Variants in SDK1 observed in about 807,000 individuals in gnomAD.
SDK1 encodes the protein protein sidekick-1.
Under a neutral mutation model 245.5 loss-of-function variants are expected in SDK1, and 157 were observed. The ratio of observed to expected loss-of-function variants is 0.64; its 90% CI spans 0.56 to 0.73. The LOEUF is 0.73. Ranked by LOEUF, SDK1 falls within the 30% of genes least tolerant of loss-of-function variation. The pLI, the probability that SDK1 is intolerant of heterozygous loss-of-function variation, is 0.00. For synonymous variants in SDK1, 1,647 were observed against 1,278.5 expected (o/e 1.29, Z -6.15); for missense variants, 3,583 against 3,002.3 (o/e 1.19, Z -4.52).
intron 1 of SDK1, among the ~76,000 whole-genome samples, chr7:3,566,018 A>G (rs964298847): frequency 6.6e-6 from 1 of 152,198 alleles, no homozygotes; most frequent in Non-Finnish European, 1.5e-5. Flanking sequence ...AACGAAAGCA[A>G]TATAATATCT....
At chr7:3,883,707 TCCC>T (rs1781263481) in intron 5 of SDK1, among the ~76,000 whole-genome samples, 7 of 114,338 alleles carry the variant, frequency 6.1e-5, no homozygotes, top group African/African-American at 2.4e-4. Context: ...CCTCCCTCCC[TCCC>T]TCCCTCCCAT....
At chr7:3,962,599 T>C (rs2128129847) in intron 8 of SDK1, 58 bp from the exon 9 acceptor site, 1 of 1,396,420 alleles carries the variant, frequency 7.2e-7, no homozygotes, top group Non-Finnish European at 9.8e-7. Context: ...ACAGATGTGC[T>C]TCAGTTCTCA....
chr7:4,005,275 G>A (rs1785383411), intron 14 of SDK1, among the ~76,000 whole-genome samples: 1 of 151,834 alleles, frequency 6.6e-6, no homozygotes, highest in South Asian at 2.1e-4. Flanking sequence ...TTGATCTCTT[G>A]ACGTCGTGAT....
rs1780258443 is a variant in SDK1 at position 3,575,533 on chromosome 7, G to C, written c.299-43547G>C. 2.0e-5 allele frequency among the ~76,000 whole-genome samples: 3 copies of C among 151,908 alleles called. No homozygotes were observed. In the South Asian group the frequency reaches 6.2e-4, roughly 32 times the overall value. ...TTTAACATTTTCGGGTTGGGGTGAGGGGGGACACCCACATTGGCTGTAGAT... is the reference window on the plus strand; with the variant it reads ...TTTAACATTTTCGGGTTGGGGTGAGCGGGGACACCCACATTGGCTGTAGAT... On this transcript the variant is annotated intron_variant, in intron 1 of 44. Coordinates refer to ENST00000404826, the MANE Select transcript of SDK1 (RefSeq NM_152744.4).
chr7:4,075,844 G>T (rs1416340920), intron 20 of SDK1, among the ~76,000 whole-genome samples: 1 of 151,982 alleles, frequency 6.6e-6, no homozygotes, highest in Admixed American at 6.5e-5. Flanking sequence ...AGTAGAGACG[G>T]GGTTTCACAT....
At position 4,077,225 on chromosome 7, in the gene SDK1, C is replaced by T. The variant is rs755300007; in HGVS notation, c.3202+36C>T. On this transcript the variant is annotated intron_variant, in intron 21 of 44. Coordinates refer to ENST00000404826, the MANE Select transcript of SDK1 (RefSeq NM_152744.4). ...TCGTGTGCGGTCCTCCTGCTGTCAC[C>T]TTTCTCTTGGAGATTCCCGAGGCTA... The T allele has an allele frequency of 2.5e-6, 4 of 1,591,984 alleles. No individual in the cohort carries two copies. In the Admixed American group the frequency reaches 6.8e-5, roughly 27 times the overall value.
chr7:3,567,048 G>A (rs1220811713), intron 1 of SDK1, among the ~76,000 whole-genome samples: 5 of 152,102 alleles, frequency 3.3e-5, no homozygotes, highest in African/African-American at 9.7e-5. Context: ...TTATTTTCCC[G>A]GGTACGCATC....
intron 36 of SDK1, among the ~76,000 whole-genome samples, chr7:4,207,065 G>A (rs997770097): frequency 2.0e-5 from 3 of 152,180 alleles, no homozygotes; most frequent in African/African-American, 7.2e-5. Flanking sequence ...GCAAGGCCTG[G>A]GCGAGCGGAA....
chr7:4,041,838 G>A (rs1052209550), intron 17 of SDK1, among the ~76,000 whole-genome samples: 2 of 134,932 alleles, frequency 1.5e-5, no homozygotes, highest in South Asian at 2.3e-4. Flanking sequence ...TTTTTGTGAC[G>A]GAGTCTCGCT....
intron 1 of SDK1, among the ~76,000 whole-genome samples, chr7:3,354,491 G>A (rs933874896): frequency 8.5e-5 from 13 of 152,140 alleles, no homozygotes; most frequent in Non-Finnish European, 1.6e-4. Flanking sequence ...AGAAGTATAG[G>A]TAACATAATA....
rs10245225 is a variant in SDK1, at chr7:4,011,451, C to T, written c.2279+338C>T. Among the ~76,000 whole-genome samples, 1,091 of 152,310 alleles carry T rather than the reference C, an allele frequency of 7.2e-3. 14 individuals are homozygous for T. The highest frequency in any genetic ancestry group is 0.024 in the African/African-American group (1,004 of 41,558). ...CCGTGTTCTTTGTCCACCCCACTGC[C>T]GGGTGGACGCTGATGCCACAGTCTT... is the stretch of plus-strand genomic sequence containing the variant. On this transcript the variant is annotated intron_variant, in intron 15 of 44. Transcript: ENST00000404826.
intron 44 of SDK1, among the ~76,000 whole-genome samples, chr7:4,251,863 T>C (rs961842072): frequency 3.3e-5 from 5 of 152,232 alleles, no homozygotes; most frequent in African/African-American, 1.2e-4. Context: ...AATATTCCCT[T>C]TATCTGGTTG....
chr7:3,684,176 G>A (rs1020875290), intron 4 of SDK1, among the ~76,000 whole-genome samples: 3 of 152,196 alleles, frequency 2.0e-5, no homozygotes, highest in Non-Finnish European at 2.9e-5. Flanking sequence ...CAGGTCTAGC[G>A]TGGAGCTAAG....
chr7:3,526,923 T>G (rs1282759165), intron 1 of SDK1, among the ~76,000 whole-genome samples: 1 of 152,182 alleles, frequency 6.6e-6, no homozygotes, highest in Admixed American at 6.5e-5. Context: ...TGAGACACTC[T>G]CTGCTTACCT....
chr7:4,153,135 T>G (rs650986), intron 30 of SDK1, among the ~76,000 whole-genome samples: 24,760 of 150,480 alleles, frequency 0.16, 2,214 homozygotes, highest in African/African-American at 0.23. Context: ...GGTGCGGGGG[T>G]TCCAAACAGA....
intron 5 of SDK1, among the ~76,000 whole-genome samples, chr7:3,853,879 C>T (rs1780476977): frequency 6.6e-6 from 1 of 152,092 alleles, no homozygotes; most frequent in Non-Finnish European, 1.5e-5. Context: ...GTCCCAGCTA[C>T]TCGAGAAGCT....
chr7:3,806,032 G>C (rs762262375), intron 4 of SDK1, among the ~76,000 whole-genome samples: 1 of 152,112 alleles, frequency 6.6e-6, no homozygotes, highest in African/African-American at 2.4e-5. Context: ...ACCACAAACT[G>C]CATGATAATG....
intron 1 of SDK1, among the ~76,000 whole-genome samples, chr7:3,576,278 A>C (rs1474745078): frequency 6.6e-6 from 1 of 152,088 alleles, no homozygotes; most frequent in Non-Finnish European, 1.5e-5. Context: ...ACCGTTGTTT[A>C]CGGAGTGCTG....
At position 3,334,365 on chromosome 7, in the gene SDK1, G is replaced by C. The variant is rs1021600024; in HGVS notation, c.298+32481G>C. On this transcript the variant is annotated intron_variant, in intron 1 of 44. Coordinates refer to ENST00000404826, the MANE Select transcript of SDK1 (RefSeq NM_152744.4). ...ATTCTCATTAGATGGTGGAGCCTAC[G>C]CTTGAGAGAAGAAGCTGTCGGGTAC... Among the ~76,000 whole-genome samples, 3 of 152,188 alleles carry C rather than the reference G, an allele frequency of 2.0e-5. No individual in the cohort carries two copies. The East Asian group carries it at 5.8e-4, about 29-fold the overall frequency.
Sources: gnomAD v4.1 joint callset for allele counts (sites outside exome capture counted in the v4.1 genomes callset) on GRCh38, gnomAD v4.1.1 for gene constraint, MANE v1.5 for transcripts, NCBI Gene and HGNC (gene_info 2026-07-23, HGNC 2026-07-21) for gene names.